The following MKLN1 variants were observed in gnomAD, a reference collection of about 807,000 sequenced individuals.
MKLN1 encodes the protein muskelin.
In MKLN1, 18 loss-of-function variants were observed where a neutral mutation model predicts 99.0. That is an observed-to-expected ratio of 0.18 (90% CI 0.13 to 0.27). The LOEUF (loss-of-function observed/expected upper bound fraction) is 0.27. Among genes scored for constraint, MKLN1 ranks in the 10% least tolerant of loss-of-function variants. MKLN1 has a pLI of 1.00. For synonymous variants in MKLN1, 288 were observed against 293.2 expected (o/e 0.98, Z 0.18); for missense variants, 621 against 875.9 (o/e 0.71, Z 3.67).
intron 2 of MKLN1, among the ~76,000 whole-genome samples, chr7:131,180,538 A>G (rs1796363947): frequency 6.6e-6 from 1 of 152,060 alleles, no homozygotes; most frequent in South Asian, 2.1e-4. Context: ...GTCTCTACTA[A>G]AAATACAAAA....
Position 131,262,538 on chromosome 7 carries a change from T to G in MKLN1, c.-179+59564T>G, listed in dbSNP as rs531921245. On this transcript the variant is annotated intron_variant, in intron 3 of 7. Transcript: ENST00000416992. Reference sequence around the variant, plus strand: ...TCCACTATTTCATTTTGTTATTATGTTTTTTTTTCTTTTCTTTTCTTTTCT... The same window carrying G: ...TCCACTATTTCATTTTGTTATTATGGTTTTTTTTCTTTTCTTTTCTTTTCT... 4.7e-5 allele frequency among the ~76,000 whole-genome samples: 7 copies of G among 149,760 alleles called. No individual in the cohort carries two copies. In the South Asian group the frequency reaches 1.0e-3, roughly 22 times the overall value.
chr7:131,226,311 T>G (rs1438336685), intron 3 of MKLN1, among the ~76,000 whole-genome samples: 1 of 152,212 alleles, frequency 6.6e-6, no homozygotes, highest in Non-Finnish European at 1.5e-5. Flanking sequence ...CTTTCTGCAG[T>G]CTTTCAGAAC....
At chr7:131,138,988 C>T (rs552940000) in intron 1 of MKLN1, among the ~76,000 whole-genome samples, 6 of 152,086 alleles carry the variant, frequency 3.9e-5, no homozygotes, top group Non-Finnish European at 7.4e-5. Flanking sequence ...GCCAGGCCTT[C>T]GCTTCCACTC....
chr7:131,157,484 C>T (rs1795986827), intron 2 of MKLN1, among the ~76,000 whole-genome samples: 1 of 152,174 alleles, frequency 6.6e-6, no homozygotes, highest in African/African-American at 2.4e-5. Flanking sequence ...CATTCCTCAT[C>T]TGTAACATAG....
rs1397719421 is a variant in MKLN1, at chr7:131,192,097, T to TATATATATAATATATATATAC, written c.-296-10760_-296-10759insATATATATAATATATATATAC. Among the ~76,000 whole-genome samples the TATATATATAATATATATATAC allele has an allele frequency of 3.3e-4, 25 of 76,882 alleles. 3 individuals carry two copies. The highest frequency in any genetic ancestry group is 1.4e-3 in the African/African-American group (24 of 17,420). The allele number at this position is 76,882 out of a possible 152,430, so 50.4% of individuals were successfully genotyped here. ...TATATACATATATATTATATATATA[T>TATATATATAATATATATATAC]GTATATATATATTATATATATACGT... On this transcript the variant is annotated intron_variant, in intron 2 of 7. Transcript: ENST00000416992.
intron 1 of MKLN1, among the ~76,000 whole-genome samples, chr7:131,128,468 C>T (rs1795497805): frequency 6.6e-6 from 1 of 152,028 alleles, no homozygotes; most frequent in Non-Finnish European, 1.5e-5. Flanking sequence ...CACTTGAGTC[C>T]AGGAGTTTGA....
At chr7:131,466,492 A>G (rs1286139291) in intron 15 of MKLN1, 77 bp downstream of exon 15, 4 of 1,096,208 alleles carry the variant, frequency 3.6e-6, no homozygotes, top group Non-Finnish European at 5.1e-6. Context: ...ATAATGAGAC[A>G]GTGTAAATAC....
rs1255645961 is a variant in MKLN1 at position 131,196,441 on chromosome 7, AC to A, written c.-296-6414del. ...CTCGCAAAGGAAAAAAGGCTGAACA[AC>A]CTTTTTAGGCCAAATCTACTTATTT... On this transcript the variant is annotated intron_variant, in intron 2 of 7. Coordinates refer to the MKLN1 transcript ENST00000416992. Among the ~76,000 whole-genome samples the A allele has an allele frequency of 4.6e-5, 7 of 152,346 alleles. No homozygotes were observed. In the East Asian group the frequency reaches 7.7e-4, roughly 17 times the overall value.
intron 3 of MKLN1, among the ~76,000 whole-genome samples, chr7:131,320,893 C>A (rs1212512504): frequency 1.3e-5 from 2 of 152,108 alleles, no homozygotes; most frequent in Admixed American, 1.3e-4. Context: ...CTATCTAATA[C>A]CAGTTAGAAT....
chr7:131,185,413 A>T (rs1796434566), intron 2 of MKLN1, among the ~76,000 whole-genome samples: 1 of 104,622 alleles, frequency 9.6e-6, no homozygotes, highest in South Asian at 3.4e-4. Context: ...CCTCGTCTCT[A>T]CTAAAAATAC....
At chr7:131,130,100 T>C (rs1795527486) in intron 1 of MKLN1, among the ~76,000 whole-genome samples, 1 of 152,170 alleles carries the variant, frequency 6.6e-6, no homozygotes, top group South Asian at 2.1e-4. Context: ...AAAGGATACA[T>C]TTAAATTAGA....
At chr7:131,282,846 G>A (rs988530850) in intron 3 of MKLN1, among the ~76,000 whole-genome samples, 3 of 152,158 alleles carry the variant, frequency 2.0e-5, no homozygotes, top group Non-Finnish European at 2.9e-5. Flanking sequence ...GTGGGGCATG[G>A]ACAACTGCAT....
intron 1 of MKLN1, among the ~76,000 whole-genome samples, chr7:131,352,518 C>A (rs1465585348): frequency 1.3e-5 from 2 of 148,220 alleles, no homozygotes; most frequent in Non-Finnish European, 3.0e-5. Flanking sequence ...TCATTTTACA[C>A]TTTTTTTTTT....
chr7:131,275,355 G>A (rs932045053), intron 3 of MKLN1, among the ~76,000 whole-genome samples: 2 of 136,980 alleles, frequency 1.5e-5, no homozygotes, highest in African/African-American at 2.7e-5. Flanking sequence ...TTTTGTTGTC[G>A]TTGTTGTTGG....
intron 1 of MKLN1, among the ~76,000 whole-genome samples, chr7:131,116,363 C>A (rs1027245646): frequency 5.3e-5 from 8 of 151,936 alleles, no homozygotes; most frequent in African/African-American, 1.9e-4. Flanking sequence ...TGATCCTGGA[C>A]GTTTATATTC....
chr7:131,254,280 A>G (rs1292166790), intron 3 of MKLN1, among the ~76,000 whole-genome samples: 1 of 152,252 alleles, frequency 6.6e-6, no homozygotes, highest in Admixed American at 6.5e-5. Flanking sequence ...TCACTAAAGA[A>G]ATAAACAAAA....
At chr7:131,422,229 A>G (rs2116391532) in intron 8 of MKLN1, among the ~76,000 whole-genome samples, 1 of 152,300 alleles carries the variant, frequency 6.6e-6, no homozygotes, top group East Asian at 1.9e-4. Context: ...TCAGATAATC[A>G]AAGAGACTCT....
intron 1 of MKLN1, among the ~76,000 whole-genome samples, chr7:131,348,510 G>A (rs1163827001): frequency 6.6e-6 from 1 of 151,306 alleles, no homozygotes; most frequent in Non-Finnish European, 1.5e-5. Context: ...ATAGTTTTAA[G>A]AGTTAACTAT....
chr7:131,477,005 C>G (rs1344475915), intron 16 of MKLN1, among the ~76,000 whole-genome samples: 1 of 152,088 alleles, frequency 6.6e-6, no homozygotes, highest in Non-Finnish European at 1.5e-5. Flanking sequence ...ACAAATGATA[C>G]TGAATAACTG....
Sources: allele counts gnomAD v4.1 joint callset (sites outside exome capture counted in the v4.1 genomes callset), GRCh38; gene constraint gnomAD v4.1.1; transcripts MANE v1.5; gene names NCBI Gene and HGNC (gene_info 2026-07-23, HGNC 2026-07-21).